MYT1L: variants seen among roughly 807,000 people sequenced by gnomAD.
MYT1L encodes the protein myelin transcription factor 1-like protein.
A neutral mutation model predicts 126.7 loss-of-function variants in MYT1L; 12 were observed. The observed-to-expected ratio is 0.09, with a 90% CI of 0.06 to 0.15. The LOEUF (loss-of-function observed/expected upper bound fraction) is 0.15. Among genes scored for constraint, MYT1L ranks in the 10% least tolerant of loss-of-function variants. The pLI, the probability that MYT1L is intolerant of heterozygous loss-of-function variation, is 1.00. For synonymous variants in MYT1L, 541 were observed against 604.2 expected (o/e 0.90, Z 1.53); for missense variants, 979 against 1,585.2 (o/e 0.62, Z 6.49).
At chr2:2,064,178 G>A (rs993680724) in intron 3 of MYT1L, among the ~76,000 whole-genome samples, 10 of 152,162 alleles carry the variant, frequency 6.6e-5, no homozygotes, top group South Asian at 6.2e-4. Flanking sequence ...AACCACATAC[G>A]ATGGGCAGAC....
At chr2:1,947,728 G>A (rs2057366603) in intron 8 of MYT1L, among the ~76,000 whole-genome samples, 2 of 152,152 alleles carry the variant, frequency 1.3e-5, no homozygotes, top group Admixed American at 6.5e-5. Context: ...ATAAGCAAGA[G>A]TAGAAAAAAA....
At chr2:1,932,855 G>A (rs1348130716) in intron 9 of MYT1L, among the ~76,000 whole-genome samples, 1 of 152,158 alleles carries the variant, frequency 6.6e-6, no homozygotes, top group African/African-American at 2.4e-5. Flanking sequence ...TGGAGGGCTG[G>A]GAGGTTGAGG....
intron 4 of MYT1L, among the ~76,000 whole-genome samples, chr2:2,017,197 C>T (rs557782439): frequency 4.6e-5 from 7 of 152,336 alleles, no homozygotes; most frequent in African/African-American, 1.4e-4. Flanking sequence ...CCCTGCTTAT[C>T]GCACTGGTGA....
At chr2:1,897,661 C>T (rs916682866) in intron 14 of MYT1L, among the ~76,000 whole-genome samples, 1 of 152,116 alleles carries the variant, frequency 6.6e-6, no homozygotes, top group African/African-American at 2.4e-5. Flanking sequence ...CAGGGTTTCA[C>T]CATGTTGGCC....
intron 1 of MYT1L, among the ~76,000 whole-genome samples, chr2:2,288,505 G>T (rs932684228): frequency 6.6e-6 from 1 of 152,136 alleles, no homozygotes; most frequent in Non-Finnish European, 1.5e-5. Context: ...GAAATGTGCC[G>T]TAAAGGTAAA....
At chr2:1,886,769 G>A (rs1286234097) in intron 17 of MYT1L, among the ~76,000 whole-genome samples, 162 bp from the exon 18 acceptor site, 4 of 151,936 alleles carry the variant, frequency 2.6e-5, no homozygotes, top group Non-Finnish European at 5.9e-5. Flanking sequence ...GAATCGGTTC[G>A]AATATAAATT....
chr2:2,289,835 G>C (rs78026537), intron 1 of MYT1L, among the ~76,000 whole-genome samples: 1 of 152,188 alleles, frequency 6.6e-6, no homozygotes, highest in Non-Finnish European at 1.5e-5. Flanking sequence ...AATAGCCACA[G>C]TCATAAATCC....
chr2:2,060,823 TCC>T (rs1478804019), intron 3 of MYT1L, among the ~76,000 whole-genome samples: 129 of 149,028 alleles, frequency 8.7e-4, no homozygotes, highest in African/African-American at 2.9e-3. Flanking sequence ...TCTCTCTCTT[TCC>T]CTCTCTCTCT....
At chr2:2,002,776 A>G (rs1047516407) in intron 4 of MYT1L, among the ~76,000 whole-genome samples, 1 of 152,132 alleles carries the variant, frequency 6.6e-6, no homozygotes, top group African/African-American at 2.4e-5. Flanking sequence ...TAACTGGATC[A>G]CGGGGGCGGG....
chr2:2,301,090 A>T, intron 1 of MYT1L, among the ~76,000 whole-genome samples: 1 of 151,996 alleles, frequency 6.6e-6, no homozygotes, highest in East Asian at 1.9e-4. Flanking sequence ...AGCAGACAAC[A>T]TGGAAGCCTA....
At chr2:2,085,524 C>T (rs115261933) in intron 3 of MYT1L, among the ~76,000 whole-genome samples, 3 of 152,264 alleles carry the variant, frequency 2.0e-5, no homozygotes, top group Non-Finnish European at 4.4e-5. Context: ...TTCTTATCAA[C>T]CTGTGGGATA....
intron 1 of MYT1L, among the ~76,000 whole-genome samples, chr2:2,301,321 T>A (rs959428972): frequency 1.3e-4 from 20 of 152,304 alleles, no homozygotes; most frequent in African/African-American, 4.8e-4. Flanking sequence ...GAAACAGACA[T>A]GGTGAAAACT....
At chr2:2,111,156 C>G (rs1196758097) in intron 3 of MYT1L, among the ~76,000 whole-genome samples, 1 of 152,180 alleles carries the variant, frequency 6.6e-6, no homozygotes, top group African/African-American at 2.4e-5. Flanking sequence ...GAGAGTACCC[C>G]AGCGTCAGCA....
intron 2 of MYT1L, among the ~76,000 whole-genome samples, chr2:2,246,060 G>A (rs79692427): frequency 0.068 from 10,355 of 152,214 alleles, 411 homozygotes; most frequent in South Asian, 0.14. Context: ...TTCAACCACT[G>A]TGTTTGTGGG....
At chr2:2,047,878 C>G (rs2068377220) in intron 4 of MYT1L, among the ~76,000 whole-genome samples, 1 of 152,126 alleles carries the variant, frequency 6.6e-6, no homozygotes, top group Non-Finnish European at 1.5e-5. Context: ...AACAAAGTAT[C>G]CAGCTTAAAC....
At chr2:2,314,966 C>CAGAAAA (rs1268319001) in intron 1 of MYT1L, among the ~76,000 whole-genome samples, 4 of 152,180 alleles carry the variant, frequency 2.6e-5, no homozygotes, top group African/African-American at 9.6e-5. Flanking sequence ...GGAAAACTGG[C>CAGAAAA]TAGCCATATG....
intron 1 of MYT1L, among the ~76,000 whole-genome samples, chr2:2,321,040 G>A (rs972822051): frequency 2.0e-5 from 3 of 152,244 alleles, no homozygotes; most frequent in Non-Finnish European, 4.4e-5. Flanking sequence ...GGTATGAAGG[G>A]AGTAGGCTTG....
chr2:2,035,776 C>T (rs1574709774), intron 4 of MYT1L, among the ~76,000 whole-genome samples: 1 of 7,462 alleles, frequency 1.3e-4, no homozygotes, highest in African/African-American at 2.3e-3. Context: ...ACAATCTCCA[C>T]CCTCCAATGC....
At chr2:2,227,176 A>G (rs546917878) in intron 2 of MYT1L, among the ~76,000 whole-genome samples, 17 of 152,148 alleles carry the variant, frequency 1.1e-4, no homozygotes, top group African/African-American at 3.9e-4. Flanking sequence ...AGAGTGTTGC[A>G]GGCCTCAGAC....
Sources: allele counts gnomAD v4.1 joint callset (sites outside exome capture counted in the v4.1 genomes callset), GRCh38; gene constraint gnomAD v4.1.1; transcripts MANE v1.5; gene names NCBI Gene and HGNC (gene_info 2026-07-23, HGNC 2026-07-21).